The following LYZL4 variants were observed in gnomAD, a reference collection of about 807,000 sequenced individuals.
LYZL4 encodes the protein lysozyme-like protein 4.
LYZL4 carries 13 observed loss-of-function variants against 17.6 expected under a neutral mutation model. That is an observed-to-expected ratio of 0.74 (90% CI 0.48 to 1.18). The LOEUF (loss-of-function observed/expected upper bound fraction) is 1.18, where lower values mean the gene tolerates loss of function less well. LYZL4 is among the 50% of genes most tolerant of loss of function. LYZL4 has a pLI of 0.00. For missense variants in LYZL4, 174 were observed against 188.2 expected, an observed-to-expected ratio of 0.92 and a Z score of 0.44; for synonymous variants, 64 against 67.7, an observed-to-expected ratio of 0.95 and a Z score of 0.27.
At chr3:42,403,222 T>C (rs991173047) in intron 4 of LYZL4, among the ~76,000 whole-genome samples, 2 of 150,910 alleles carry the variant, frequency 1.3e-5, no homozygotes, top group East Asian at 1.9e-4. Flanking sequence ...CCGAATGGGA[T>C]ATGATAAAAG....
intron 3 of LYZL4, among the ~76,000 whole-genome samples, chr3:42,405,938 G>A (rs1417682486): frequency 6.6e-6 from 1 of 152,078 alleles, no homozygotes; most frequent in Non-Finnish European, 1.5e-5. Context: ...AGAGTAGCTG[G>A]CAGTTAACAA....
chr3:42,399,694 G>C (rs1018550225), intron 4 of LYZL4, among the ~76,000 whole-genome samples: 1 of 151,976 alleles, frequency 6.6e-6, no homozygotes, highest in Non-Finnish European at 1.5e-5. Context: ...CTGATAAGAG[G>C]GAAATGGTTT....
intron 4 of LYZL4, among the ~76,000 whole-genome samples, chr3:42,400,467 G>T (rs1252876065): frequency 1.3e-5 from 2 of 152,166 alleles, no homozygotes; most frequent in Admixed American, 6.5e-5. Flanking sequence ...ATGAAGATAA[G>T]AATGCTCATA....
chr3:42,364,944 T>C, the LYZL4 span, among the ~76,000 whole-genome samples: 6,388 of 152,260 alleles, frequency 0.042, 211 homozygotes, highest in Middle Eastern at 0.11. Context: ...CCTTGTCTTG[T>C]ATGTGAGAGC....
chr3:42,404,052 C>A lies in LYZL4; in HGVS notation c.365G>T (p.Gly122Val). Reference protein sequence around the residue: ...KTIVKGKEGMGAWPTWSRYCQ... With the variant: ...KTIVKGKEGMVAWPTWSRYCQ... ...ATAAAAATGTAAGACTTACCATGCT[C>A]CCATCCCTTCTTTTCCTTTTACAAT... Residue 122 changes from glycine to valine, a missense_variant, in exon 4 of 5, where the codon GGA becomes GTA. Coordinates refer to ENST00000287748, the MANE Select transcript of LYZL4 (RefSeq NM_144634.4). 3.7e-6 allele frequency: 6 copies of A among 1,604,066 alleles called. No individual in the cohort carries two copies. The highest frequency in any genetic ancestry group is 5.1e-6 in the Non-Finnish European group (6 of 1,171,136).
At chr3:42,392,576 G>A (rs1432523194), downstream of LYZL4, among the ~76,000 whole-genome samples, 1 of 152,182 alleles carries the variant, frequency 6.6e-6, no homozygotes, top group Non-Finnish European at 1.5e-5. Context: ...GGTAAAGTTG[G>A]TTGTAACCAG....
chr3:42,366,949 A>C, the LYZL4 span, among the ~76,000 whole-genome samples: 1 of 152,216 alleles, frequency 6.6e-6, no homozygotes, highest in East Asian at 1.9e-4. Flanking sequence ...TTTCTGGTAC[A>C]GGGCTGTGCT....
At chr3:42,404,249 C>A (rs1214341285) in intron 3 of LYZL4, 125 bp from the exon 4 acceptor site, 7 of 548,110 alleles carry the variant, frequency 1.3e-5, no homozygotes, top group Non-Finnish European at 2.2e-5. Flanking sequence ...ATAAATCTAT[C>A]CTTAGATTTT....
At chr3:42,403,421 G>A (rs26348) in intron 4 of LYZL4, among the ~76,000 whole-genome samples, 27,811 of 151,814 alleles carry the variant, frequency 0.18, 3,334 homozygotes, top group Middle Eastern at 0.27. Flanking sequence ...CACCACACCC[G>A]ACTTATTTTA....
At chr3:42,409,604 C>T (rs1008198143) in intron 1 of LYZL4, among the ~76,000 whole-genome samples, 1 of 152,120 alleles carries the variant, frequency 6.6e-6, no homozygotes. Context: ...AGAACCTATT[C>T]GCCTCTCATC....
chr3:42,407,065 G>A, intron 2 of LYZL4, 48 bp downstream of exon 2: 1 of 1,613,674 alleles, frequency 6.2e-7, no homozygotes, highest in South Asian at 1.1e-5. Context: ...GCCAGAGAAG[G>A]GAGGGCAAGG....
the LYZL4 span, among the ~76,000 whole-genome samples, chr3:42,390,363 A>G: frequency 0.027 from 4,115 of 152,300 alleles, 75 homozygotes; most frequent in Non-Finnish European, 0.042. Flanking sequence ...CGAAGTGGCT[A>G]TGGTGACAAG....
downstream of LYZL4, among the ~76,000 whole-genome samples, chr3:42,393,337 GCACACACACACA>G (rs3071913): frequency 2.7e-5 from 4 of 148,814 alleles, no homozygotes; most frequent in South Asian, 6.4e-4. Flanking sequence ...GTGTGCGCGT[GCACACACACACA>G]CACACACACA....
the LYZL4 span, among the ~76,000 whole-genome samples, chr3:42,363,741 A>T: frequency 2.0e-5 from 3 of 152,242 alleles, no homozygotes; most frequent in African/African-American, 7.2e-5. Flanking sequence ...CAGAAAAAGC[A>T]TCATTTCACC....
At chr3:42,404,997 G>A (rs1476411103) in intron 3 of LYZL4, among the ~76,000 whole-genome samples, 1 of 152,036 alleles carries the variant, frequency 6.6e-6, no homozygotes, top group Admixed American at 6.5e-5. Flanking sequence ...ACCGTAAGTG[G>A]TTGTTAATGT....
the LYZL4 span, among the ~76,000 whole-genome samples, chr3:42,375,619 C>T: frequency 7.9e-5 from 12 of 152,170 alleles, no homozygotes; most frequent in South Asian, 4.2e-4. Context: ...AGGGAAGAGC[C>T]GGGGAGACAG....
downstream of LYZL4, among the ~76,000 whole-genome samples, chr3:42,393,219 T>C (rs1462064894): frequency 6.6e-6 from 1 of 152,074 alleles, no homozygotes; most frequent in Non-Finnish European, 1.5e-5. Context: ...AGCCACAACT[T>C]AGGGACAATC....
At chr3:42,365,347 T>C in the LYZL4 span, among the ~76,000 whole-genome samples, 2 of 152,230 alleles carry the variant, frequency 1.3e-5, no homozygotes, top group African/African-American at 2.4e-5. Flanking sequence ...AAATGCTGTG[T>C]AACAAAATAA....
chr3:42,374,812 T>C, the LYZL4 span, among the ~76,000 whole-genome samples: 2 of 152,168 alleles, frequency 1.3e-5, no homozygotes, highest in Admixed American at 1.3e-4. Flanking sequence ...CTGGCATTCA[T>C]AGTATTTGAC....
Sources: gnomAD v4.1 joint callset for allele counts (sites outside exome capture counted in the v4.1 genomes callset) on GRCh38, gnomAD v4.1.1 for gene constraint, MANE v1.5 for transcripts, NCBI Gene and HGNC (gene_info 2026-07-23, HGNC 2026-07-21) for gene names.